ZSCAN25: variants seen among roughly 807,000 people sequenced by gnomAD.
The protein encoded by ZSCAN25 is zinc finger and SCAN domain-containing protein 25.
ZSCAN25 carries 27 observed loss-of-function variants against 38.7 expected under a neutral mutation model. The ratio of observed to expected loss-of-function variants is 0.70; its 90% CI spans 0.51 to 0.96. The LOEUF is 0.96. Ranked by LOEUF, ZSCAN25 falls within the 40% of genes least tolerant of loss-of-function variation. The probability of loss-of-function intolerance (pLI) is 0.00; values close to 1 mark genes in which losing one functional copy is unlikely to be tolerated. For missense variants in ZSCAN25, 637 were observed against 705.9 expected, an observed-to-expected ratio of 0.90 and a Z score of 1.11; for synonymous variants, 273 against 277.7, an observed-to-expected ratio of 0.98 and a Z score of 0.17.
chr7:99,707,671 C>A, the ZSCAN25 span: 1 of 1,393,706 alleles, frequency 7.2e-7, no homozygotes, highest in South Asian at 1.3e-5. Flanking sequence ...CCTTAAAGAT[C>A]ATAGATGGGT....
Position 99,630,279 on chromosome 7 carries a change from T to G in ZSCAN25, c.*259T>G. On this transcript the variant is annotated 3_prime_UTR_variant, in exon 8 of 8. Coordinates refer to ENST00000394152, the MANE Select transcript of ZSCAN25 (RefSeq NM_145115.3). ...TGCGGTTCAGTTCAGGCTGAGATTT[T>G]CTCCTTCAGTGGACTGTCTGTGTCC... 7.8e-7 allele frequency: 1 copy of G among 1,277,558 alleles called. No homozygotes were observed. 79.1% of individuals were successfully genotyped at this position (1,277,558 alleles called of 1,614,324 possible). A position where few individuals can be genotyped will look rare whatever the true frequency, so the allele number is the denominator to read the frequency against.
At chr7:99,668,643 A>G in the ZSCAN25 span, among the ~76,000 whole-genome samples, 1 of 152,242 alleles carries the variant, frequency 6.6e-6, no homozygotes, top group Non-Finnish European at 1.5e-5. Context: ...CAGCAAGAAG[A>G]AATTAAAAGC....
chr7:99,668,390 T>C, the ZSCAN25 span, among the ~76,000 whole-genome samples: 8 of 152,244 alleles, frequency 5.3e-5, no homozygotes, highest in Admixed American at 3.9e-4. Flanking sequence ...CTTGTCCAAC[T>C]TGTGGCCTGC....
chr7:99,711,096 C>T, the ZSCAN25 span, among the ~76,000 whole-genome samples: 1 of 152,138 alleles, frequency 6.6e-6, no homozygotes, highest in African/African-American at 2.4e-5. Context: ...AGTTTTCCCC[C>T]AATGTCTTCA....
At chr7:99,663,656 T>C in the ZSCAN25 span, 1 of 1,019,582 alleles carries the variant, frequency 9.8e-7, no homozygotes, top group Non-Finnish European at 1.2e-6. Flanking sequence ...TAAAATATAT[T>C]TTCAAACAGG....
At chr7:99,638,934 G>A in the ZSCAN25 span, among the ~76,000 whole-genome samples, 52 of 152,338 alleles carry the variant, frequency 3.4e-4, no homozygotes, top group Non-Finnish European at 6.9e-4. Context: ...GGGCATCACC[G>A]ACCGCACAAC....
chr7:99,692,486 G>A, the ZSCAN25 span, among the ~76,000 whole-genome samples: 5 of 152,320 alleles, frequency 3.3e-5, no homozygotes, highest in South Asian at 8.3e-4. Flanking sequence ...ATCCTGAAGA[G>A]TGTTTTCTGA....
At chr7:99,667,193 A>G in the ZSCAN25 span, 5 of 676,268 alleles carry the variant, frequency 7.4e-6, no homozygotes, top group Non-Finnish European at 1.0e-5. Context: ...ATGGCAAGCC[A>G]TATTCAAGAT....
chr7:99,632,308 ATTCTT>A lies in ZSCAN25; in HGVS notation c.*2290_*2294del, dbSNP rs1206768333. The A allele has an allele frequency of 1.1e-6, 1 of 937,196 alleles. No homozygotes were observed. The highest frequency in any genetic ancestry group is 1.8e-5 in the African/African-American group (1 of 56,154). The allele number at this position is 937,196 out of a possible 1,614,324, so 58.1% of individuals were successfully genotyped here. A position where few individuals can be genotyped will look rare whatever the true frequency, so the allele number is the denominator to read the frequency against. On this transcript the variant is annotated 3_prime_UTR_variant, in exon 8 of 8. Transcript: ENST00000394152. ...AATATTTTGTTTTCTGTATTTTTCT[ATTCTT>A]TAGAAATTTTTTTATAATAGATAAT...
chr7:99,692,301 G>A, the ZSCAN25 span, among the ~76,000 whole-genome samples: 12,352 of 152,162 alleles, frequency 0.081, 646 homozygotes, highest in African/African-American at 0.13. Context: ...TGGGGAAGCC[G>A]ACCTTTCTCT....
chr7:99,670,544 G>A, the ZSCAN25 span, among the ~76,000 whole-genome samples: 3 of 152,136 alleles, frequency 2.0e-5, no homozygotes, highest in African/African-American at 4.8e-5. Context: ...TCCATTTTCA[G>A]TCGACATATA....
the ZSCAN25 span, chr7:99,662,761 A>C: frequency 6.6e-7 from 1 of 1,510,204 alleles, no homozygotes; most frequent in Non-Finnish European, 9.2e-7. The surrounding 1 kb of genome is among the most constrained non-coding windows in gnomAD (Gnocchi z 4.3). Flanking sequence ...TTTCAGAACA[A>C]GGCCCTCCCT....
the ZSCAN25 span, among the ~76,000 whole-genome samples, chr7:99,692,965 G>A: frequency 1.3e-5 from 2 of 152,164 alleles, no homozygotes; most frequent in African/African-American, 2.4e-5. Context: ...TCTTTCGGAG[G>A]AGAAGAGATG....
the ZSCAN25 span, chr7:99,713,425 T>G: frequency 1.7e-5 from 27 of 1,612,258 alleles, no homozygotes; most frequent in Admixed American, 5.0e-5. Flanking sequence ...AAACCTTCCC[T>G]CTGAGTGCCC....
the ZSCAN25 span, chr7:99,677,273 C>T: frequency 1.0e-6 from 1 of 984,336 alleles, no homozygotes; most frequent in Admixed American, 6.1e-5. Flanking sequence ...GAAGAGGTTG[C>T]CAGACACTGA....
At chr7:99,662,727 C>A in the ZSCAN25 span, 1 of 1,308,114 alleles carries the variant, frequency 7.6e-7, no homozygotes, top group Non-Finnish European at 1.1e-6. The surrounding 1 kb of genome is among the most constrained non-coding windows in gnomAD (Gnocchi z 4.3). Flanking sequence ...AAATTCTCAT[C>A]TTCCTGGAAT....
At chr7:99,639,374 T>C in the ZSCAN25 span, among the ~76,000 whole-genome samples, 1 of 152,160 alleles carries the variant, frequency 6.6e-6, no homozygotes, top group Non-Finnish European at 1.5e-5. Context: ...AAAGGTAGTA[T>C]TGTCAAGCAG....
At chr7:99,622,207 G>A in intron 5 of ZSCAN25, 2 of 294,218 alleles carry the variant, frequency 6.8e-6, no homozygotes, top group Non-Finnish European at 1.3e-5. Context: ...TTACAGGCAT[G>A]AGCCACCGCG....
At chr7:99,672,599 G>C in the ZSCAN25 span, 1 of 1,613,858 alleles carries the variant, frequency 6.2e-7, no homozygotes, top group Non-Finnish European at 8.5e-7. Context: ...TGTGAAGACA[G>C]AATAACATTC....
Sources: gnomAD v4.1 joint callset for allele counts (sites outside exome capture counted in the v4.1 genomes callset) on GRCh38, gnomAD v4.1.1 for gene constraint, Gnocchi (gnomAD v3.1) non-coding constraint, MANE v1.5 for transcripts, NCBI Gene and HGNC (gene_info 2026-07-23, HGNC 2026-07-21) for gene names.